FYB2: variants seen among roughly 807,000 people sequenced by gnomAD.
The protein encoded by FYB2 is FYN-binding protein 2.
In FYB2, 103 loss-of-function variants were observed where a neutral mutation model predicts 94.1. That is an observed-to-expected ratio of 1.09 (90% CI 0.93 to 1.29). The LOEUF is 1.29. Ranked by LOEUF, FYB2 falls within the 50% of genes most tolerant of loss-of-function variation. The pLI is 0.00. For synonymous variants in FYB2, 293 were observed against 287.9 expected, an observed-to-expected ratio of 1.02 and a Z score of -0.18; for missense variants, 896 against 841.5, an observed-to-expected ratio of 1.06 and a Z score of -0.80.
chr1:56,737,605 C>T (rs181230680), intron 14 of FYB2: 1 of 152,952 alleles, frequency 6.5e-6, no homozygotes, highest in East Asian at 1.9e-4. Flanking sequence ...AAATCATTGG[C>T]AATTGCTCCT....
rs1645016248 is a variant in FYB2 at position 56,744,057 on chromosome 1, C to A, written c.1512G>T (p.Leu504=). The change falls in exon 11 of 20, where the codon CTG becomes CTT. Residue 504 remains leucine, a synonymous_variant. Coordinates refer to ENST00000343433, the MANE Select transcript of FYB2 (RefSeq NM_001004303.5). The stretch of plus-strand genomic sequence containing the variant: ...TTGAGGCAAGTGAGCTAGAGTAGTT[C>A]AGCTTCGGTCTATGGGAGAAAATAA... ...VEYSRKEVPK[L]NYSSSLASSS... The A allele has an allele frequency of 6.2e-7, 1 of 1,612,432 alleles. No homozygotes were observed.
At chr1:56,736,115 CAAAG>C (rs1644824979) in intron 15 of FYB2, among the ~76,000 whole-genome samples, 1 of 151,908 alleles carries the variant, frequency 6.6e-6, no homozygotes, top group African/African-American at 2.4e-5. Flanking sequence ...CATCAAATAA[CAAAG>C]AAATAATAAC....
intron 4 of FYB2, 32 bp downstream of exon 4, chr1:56,787,143 C>A (rs759124569): frequency 6.2e-7 from 1 of 1,612,972 alleles, no homozygotes; most frequent in South Asian, 1.1e-5. Context: ...TGGTGGGCTA[C>A]GTTCCTACAC....
At chr1:56,752,235 A>G (rs891757451) in intron 8 of FYB2, among the ~76,000 whole-genome samples, 2 of 152,032 alleles carry the variant, frequency 1.3e-5, no homozygotes, top group Non-Finnish European at 2.9e-5. Flanking sequence ...TTTATTTCTT[A>G]ACCATTAGGA....
intron 5 of FYB2, among the ~76,000 whole-genome samples, chr1:56,764,058 C>T (rs2100786920): frequency 6.6e-6 from 1 of 151,810 alleles, no homozygotes; most frequent in Non-Finnish European, 1.5e-5. Flanking sequence ...TCAAGAGGTT[C>T]TCCTGCCTCA....
chr1:56,769,760 A>T (rs547621032), intron 4 of FYB2, among the ~76,000 whole-genome samples: 187 of 152,264 alleles, frequency 1.2e-3, no homozygotes, highest in Non-Finnish European at 1.5e-3. Flanking sequence ...AATATTTTTT[A>T]AAAAGGAGGA....
At chr1:56,744,364 G>A in intron 9 of FYB2, 98 bp from the exon 10 acceptor site, 1 of 901,548 alleles carries the variant, frequency 1.1e-6, no homozygotes, top group South Asian at 1.4e-5. Flanking sequence ...ATAAGAAAAG[G>A]CAGATTAAAT....
At chr1:56,788,335 T>C (rs1646178515) in intron 3 of FYB2, among the ~76,000 whole-genome samples, 1 of 152,242 alleles carries the variant, frequency 6.6e-6, no homozygotes, top group African/African-American at 2.4e-5. Context: ...AAGTGTATGT[T>C]CATCTTGTGT....
chr1:56,813,527 A>C (rs1164411237), intron 1 of FYB2, among the ~76,000 whole-genome samples: 1 of 152,210 alleles, frequency 6.6e-6, no homozygotes, highest in Admixed American at 6.5e-5. Context: ...TGGGAGCTAC[A>C]GTTCAAGATG....
chr1:56,726,610 T>C, intron 15 of FYB2, 27 bp from the exon 16 acceptor site: 1 of 1,567,950 alleles, frequency 6.4e-7, no homozygotes, highest in Non-Finnish European at 8.7e-7. Flanking sequence ...TTTGAGCAAG[T>C]AAATTAAGAC....
chr1:56,820,104 G>T (rs750570605), upstream of FYB2, among the ~76,000 whole-genome samples: 23 of 151,984 alleles, frequency 1.5e-4, no homozygotes, highest in Non-Finnish European at 3.2e-4. Context: ...GGTAGTGGGT[G>T]CCTGTAATCC....
intron 13 of FYB2, 91 bp from the exon 14 acceptor site, chr1:56,738,744 G>C: frequency 7.3e-7 from 1 of 1,363,184 alleles, no homozygotes; most frequent in South Asian, 1.3e-5. Flanking sequence ...TATTGATGAT[G>C]CTGGATTGCC....
At chr1:56,784,819 C>T (rs964589455) in intron 4 of FYB2, among the ~76,000 whole-genome samples, 8 of 152,132 alleles carry the variant, frequency 5.3e-5, no homozygotes, top group South Asian at 2.1e-4. Context: ...CATGTCAGAA[C>T]GGTGTTTATA....
intron 1 of FYB2, among the ~76,000 whole-genome samples, chr1:56,808,688 A>G (rs921287620): frequency 6.6e-6 from 1 of 152,156 alleles, no homozygotes; most frequent in African/African-American, 2.4e-5. Flanking sequence ...GAAACCATGC[A>G]CTGCTAGCTT....
chr1:56,769,153 C>A (rs1645695612), intron 4 of FYB2, among the ~76,000 whole-genome samples: 1 of 152,116 alleles, frequency 6.6e-6, no homozygotes, highest in Non-Finnish European at 1.5e-5. Flanking sequence ...ATCCACACAC[C>A]TCAGCCTCCT....
rs2100464419 is a variant in FYB2, at chr1:56,720,003, A to G, written c.2165+19T>C. On this transcript the variant is annotated intron_variant, in intron 19 of 19. Coordinates refer to ENST00000343433, the MANE Select transcript of FYB2 (RefSeq NM_001004303.5). Reference sequence around the variant, plus strand: ...GTATTAGGAACTCATGATTTAAAGTATAAAATCAAACAGCTTACTTGAAAT... The same window carrying G: ...GTATTAGGAACTCATGATTTAAAGTGTAAAATCAAACAGCTTACTTGAAAT... 6.3e-7 allele frequency: 1 copy of G among 1,579,626 alleles called. No individual in the cohort carries two copies. Among genetic ancestry groups the G allele is most frequent in the Non-Finnish European group, 8.6e-7 (1 of 1,158,384 alleles).
intron 4 of FYB2, among the ~76,000 whole-genome samples, chr1:56,773,120 T>C (rs1645798556): frequency 6.6e-6 from 1 of 152,198 alleles, no homozygotes; most frequent in African/African-American, 2.4e-5. Context: ...TTTCTAATTT[T>C]GTTTGGACTC....
At chr1:56,740,644 T>C in intron 13 of FYB2, 53 bp downstream of exon 13, 1 of 1,060,656 alleles carries the variant, frequency 9.4e-7, no homozygotes, top group Non-Finnish European at 1.4e-6. Flanking sequence ...CATCAACTTG[T>C]GTATCTACCA....
chr1:56,725,074 G>T (rs764472209), intron 16 of FYB2, among the ~76,000 whole-genome samples: 2 of 152,064 alleles, frequency 1.3e-5, no homozygotes, highest in Non-Finnish European at 2.9e-5. Context: ...TTCACCTTCT[G>T]CCATGAGTAG....
Sources: allele counts gnomAD v4.1 joint callset (sites outside exome capture counted in the v4.1 genomes callset), GRCh38; gene constraint gnomAD v4.1.1; transcripts MANE v1.5; gene names NCBI Gene and HGNC (gene_info 2026-07-23, HGNC 2026-07-21).